ADAMTS12: variants seen among roughly 807,000 people sequenced by gnomAD.
ADAMTS12 encodes the protein A disintegrin and metalloproteinase with thrombospondin motifs 12.
Under a neutral mutation model 167.8 loss-of-function variants are expected in ADAMTS12, and 118 were observed. That is an observed-to-expected ratio of 0.70 (90% CI 0.61 to 0.82). The LOEUF is 0.82. Among genes scored for constraint, ADAMTS12 ranks in the 40% least tolerant of loss-of-function variants. The pLI, the probability that ADAMTS12 is intolerant of heterozygous loss-of-function variation, is 0.00. For missense variants in ADAMTS12, 1,916 were observed against 1,998.8 expected, an observed-to-expected ratio of 0.96 and a Z score of 0.79; for synonymous variants, 704 against 716.9, an observed-to-expected ratio of 0.98 and a Z score of 0.29.
At chr5:33,618,389 G>C (rs1427419174) in intron 14 of ADAMTS12, among the ~76,000 whole-genome samples, 2 of 152,162 alleles carry the variant, frequency 1.3e-5, no homozygotes, top group Non-Finnish European at 2.9e-5. Context: ...TGCAATTTCT[G>C]TCTGACATTT....
chr5:33,831,342 A>G (rs1275272602), intron 2 of ADAMTS12, among the ~76,000 whole-genome samples: 3 of 152,214 alleles, frequency 2.0e-5, no homozygotes, highest in Non-Finnish European at 2.9e-5. Context: ...ATTCCAGTCC[A>G]TGCATTCTGC....
chr5:33,610,016 C>T (rs892249642), intron 16 of ADAMTS12, among the ~76,000 whole-genome samples: 7 of 151,776 alleles, frequency 4.6e-5, no homozygotes, highest in Admixed American at 3.9e-4. Context: ...CCCGTCTCTA[C>T]TAAAAATACA....
At chr5:33,863,486 G>A (rs538140347) in intron 2 of ADAMTS12, among the ~76,000 whole-genome samples, 2 of 152,184 alleles carry the variant, frequency 1.3e-5, no homozygotes, top group South Asian at 4.1e-4. Context: ...CAACTTACAA[G>A]GAATGTAAAT....
chr5:33,807,763 C>T (rs1347193457), intron 2 of ADAMTS12, among the ~76,000 whole-genome samples: 4 of 152,228 alleles, frequency 2.6e-5, no homozygotes, highest in Middle Eastern at 3.4e-3. Context: ...CCTGGGCAAG[C>T]GCAAATGAAA....
At chr5:33,715,344 C>T (rs992111797) in intron 3 of ADAMTS12, among the ~76,000 whole-genome samples, 3 of 152,020 alleles carry the variant, frequency 2.0e-5, no homozygotes, top group Non-Finnish European at 4.4e-5. Flanking sequence ...TCCTAACAGT[C>T]TTCAGACCTT....
chr5:33,792,402 T>C (rs1268918448), intron 2 of ADAMTS12, among the ~76,000 whole-genome samples: 1 of 152,216 alleles, frequency 6.6e-6, no homozygotes, highest in African/African-American at 2.4e-5. Context: ...CTCCCCTACT[T>C]CATCCAGTGC....
chr5:33,783,891 A>G (rs1746235504), intron 2 of ADAMTS12, among the ~76,000 whole-genome samples: 1 of 151,918 alleles, frequency 6.6e-6, no homozygotes, highest in Non-Finnish European at 1.5e-5. Flanking sequence ...AAGCTAACAA[A>G]GACACTAAGA....
chr5:33,617,635 A>G (rs1322613898), intron 14 of ADAMTS12, among the ~76,000 whole-genome samples: 3 of 152,340 alleles, frequency 2.0e-5, no homozygotes, highest in African/African-American at 7.2e-5. Flanking sequence ...AATGGTTTTA[A>G]AAAATAAATG....
At chr5:33,541,581 A>T (rs1223868481) in intron 22 of ADAMTS12, among the ~76,000 whole-genome samples, 19 of 152,224 alleles carry the variant, frequency 1.2e-4, no homozygotes, top group Non-Finnish European at 1.0e-4. Context: ...GGGGAGCCAG[A>T]GAGAAAGGTC....
At chr5:33,583,016 T>C (rs375422778) in intron 18 of ADAMTS12, among the ~76,000 whole-genome samples, 3 of 152,210 alleles carry the variant, frequency 2.0e-5, no homozygotes, top group South Asian at 4.1e-4. Flanking sequence ...TAAGTTATTT[T>C]AAAATGTGTA....
At chr5:33,597,467 T>G (rs1737952803) in intron 16 of ADAMTS12, among the ~76,000 whole-genome samples, 1 of 152,022 alleles carries the variant, frequency 6.6e-6, no homozygotes. Context: ...GCTGGTCACC[T>G]CCTCCCTTTA....
chr5:33,584,427 G>A (rs902613310), intron 18 of ADAMTS12, among the ~76,000 whole-genome samples: 3 of 151,816 alleles, frequency 2.0e-5, no homozygotes, highest in South Asian at 4.2e-4. Flanking sequence ...CAAGCACTGC[G>A]CTTATAGTGT....
chr5:33,593,150 G>A (rs565420446), intron 17 of ADAMTS12, among the ~76,000 whole-genome samples: 4 of 152,114 alleles, frequency 2.6e-5, no homozygotes, highest in African/African-American at 4.8e-5. Flanking sequence ...GGTGGTGTGC[G>A]CCTGTAATCC....
chr5:33,805,178 A>T (rs1561281559), intron 2 of ADAMTS12, among the ~76,000 whole-genome samples: 1 of 152,216 alleles, frequency 6.6e-6, no homozygotes, highest in Non-Finnish European at 1.5e-5. Context: ...GTTAGCTAGC[A>T]TTACAACAAA....
In ADAMTS12 at chr5:33,579,442, T is replaced by C. The variant is rs375326687; in HGVS notation, c.2866-2282A>G. On this transcript the variant is annotated intron_variant, in intron 18 of 23. Coordinates refer to ENST00000504830, the MANE Select transcript of ADAMTS12 (RefSeq NM_030955.4). ...ATAGTAACATAATAGGAAACGCTTCTATTTTTATTTTCTTTCTCTTCTTTC... is the reference window on the plus strand; with the variant it reads ...ATAGTAACATAATAGGAAACGCTTCCATTTTTATTTTCTTTCTCTTCTTTC... Among the ~76,000 whole-genome samples, 5 of 152,244 alleles carry C rather than the reference T, an allele frequency of 3.3e-5. No individual in the cohort carries two copies. The East Asian group carries it at 9.6e-4, about 29-fold the overall frequency.
chr5:33,608,351 C>A (rs1165890287), intron 16 of ADAMTS12, among the ~76,000 whole-genome samples: 4 of 152,126 alleles, frequency 2.6e-5, no homozygotes, highest in African/African-American at 9.7e-5. Flanking sequence ...AGAGTTCGAT[C>A]ATTTTAACAA....
intron 16 of ADAMTS12, among the ~76,000 whole-genome samples, chr5:33,601,290 A>G (rs1240532986): frequency 1.3e-5 from 2 of 152,124 alleles, no homozygotes; most frequent in African/African-American, 4.8e-5. Context: ...ATGGCAAAAG[A>G]TTATAGTATA....
Position 33,535,857 on chromosome 5 carries a change from G to T in ADAMTS12, c.4447-865C>A, listed in dbSNP as rs561043792. Among the ~76,000 whole-genome samples the T allele has an allele frequency of 5.9e-5, 9 of 152,172 alleles. No homozygotes were observed. In the South Asian group the frequency reaches 1.7e-3, roughly 28 times the overall value. ...TGGCATGCAGAGAATGTGGAATGGG[G>T]GTAGGGACAGGGCTGAGCATGGAAG... On this transcript the variant is annotated intron_variant, in intron 22 of 23. Transcript: ENST00000504830.
chr5:33,801,102 AGAG>A (rs1746988142), intron 2 of ADAMTS12, among the ~76,000 whole-genome samples: 1 of 152,226 alleles, frequency 6.6e-6, no homozygotes, highest in Non-Finnish European at 1.5e-5. Context: ...AGAAGCTGGA[AGAG>A]GCAAGAAGCA....
Sources: gnomAD v4.1 joint callset for allele counts (sites outside exome capture counted in the v4.1 genomes callset) on GRCh38, gnomAD v4.1.1 for gene constraint, MANE v1.5 for transcripts, NCBI Gene and HGNC (gene_info 2026-07-23, HGNC 2026-07-21) for gene names.